HELLS: variants seen among roughly 807,000 people sequenced by gnomAD.
HELLS encodes helicase, lymphoid specific, also known as lymphoid-specific helicase.
In HELLS, 32 loss-of-function variants were observed where a neutral mutation model predicts 120.0. The observed-to-expected ratio is 0.27, with a 90% CI of 0.20 to 0.36. HELLS has a LOEUF of 0.36. Ranked by LOEUF, HELLS falls within the 10% of genes least tolerant of loss-of-function variation. HELLS has a pLI of 1.00. For missense variants in HELLS, 650 were observed against 993.4 expected (o/e 0.65, Z 4.65); for synonymous variants, 341 against 323.4 (o/e 1.05, Z -0.58).
downstream of HELLS, among the ~76,000 whole-genome samples, chr10:94,605,490 C>T (rs1432554538): frequency 6.6e-6 from 1 of 152,036 alleles, no homozygotes; most frequent in East Asian, 1.9e-4. Flanking sequence ...TTTGAGAACT[C>T]GCATATCTGG....
rs908391064 is a variant in HELLS at position 94,596,573 on chromosome 10, A to G, written c.2249-287A>G. Among the ~76,000 whole-genome samples the G allele has an allele frequency of 5.9e-5, 9 of 152,118 alleles. 1 individual carries two copies. Among genetic ancestry groups the G allele is most frequent in the Admixed American group, 2.0e-4 (3 of 15,292 alleles). On this transcript the variant is annotated intron_variant, in intron 19 of 21. Transcript: ENST00000348459. Reference sequence around the variant, plus strand: ...AAATTATTTCTAGATTCTGGTTATTATGAATAAGTTGGTCCTGTACAAGTC... The same window carrying G: ...AAATTATTTCTAGATTCTGGTTATTGTGAATAAGTTGGTCCTGTACAAGTC...
intron 17 of HELLS, among the ~76,000 whole-genome samples, chr10:94,593,149 A>G (rs1253525997): frequency 1.3e-5 from 2 of 152,196 alleles, no homozygotes; most frequent in Admixed American, 6.5e-5. Flanking sequence ...GAATGTTACC[A>G]TCAGCCCAGA....
At chr10:94,580,158 TATATACACACAC>T (rs1486015295) in intron 10 of HELLS, among the ~76,000 whole-genome samples, 4 of 75,120 alleles carry the variant, frequency 5.3e-5, no homozygotes, top group African/African-American at 6.4e-5. Context: ...TATATATATA[TATATACACACAC>T]ACACACACAC....
At chr10:94,600,493 A>G (rs963108702) in intron 21 of HELLS, among the ~76,000 whole-genome samples, 18 of 152,196 alleles carry the variant, frequency 1.2e-4, no homozygotes, top group South Asian at 4.1e-4. Flanking sequence ...TATATTGGCT[A>G]GAAGTACAAT....
chr10:94,598,294 C>T (rs1845841069), intron 21 of HELLS, among the ~76,000 whole-genome samples: 1 of 152,080 alleles, frequency 6.6e-6, no homozygotes, highest in African/African-American at 2.4e-5. Flanking sequence ...ACTAGAAACC[C>T]CAGTCTTTGT....
intron 1 of HELLS, 101 bp from the exon 2 acceptor site, chr10:94,546,276 G>T: frequency 7.1e-7 from 1 of 1,414,204 alleles, no homozygotes. Flanking sequence ...TTCAGCTTTT[G>T]CTCCAGTGCA....
At position 94,588,249 on chromosome 10, in the gene HELLS, G is replaced by T; in HGVS notation, c.1347G>T (p.Leu449Phe). The T allele has an allele frequency of 6.3e-7, 1 of 1,598,812 alleles. No individual in the cohort carries two copies. Among genetic ancestry groups the T allele is most frequent in the South Asian group, 1.1e-5 (1 of 88,648 alleles). The change falls in exon 13 of 22, where the codon TTG becomes TTT. Residue 449 changes from leucine to phenylalanine, a missense_variant. Physicochemically the swap from Leu to Phe is conservative, Grantham distance 22 (BLOSUM62 0). This residue lies in a region of HELLS where 48 missense variants were observed against 127.0 expected (regional missense o/e 0.38). Transcript: ENST00000348459. ...MLHQILTPFLLRRLKSDVALE... is the reference protein window; with the variant it reads ...MLHQILTPFLFRRLKSDVALE... Reference sequence around the variant, plus strand: ...TTTAGATTTTAACACCTTTCTTATTGAGAAGACTGAAGTCTGATGTTGCTC... The same window carrying T: ...TTTAGATTTTAACACCTTTCTTATTTAGAAGACTGAAGTCTGATGTTGCTC...
Position 94,585,367 on chromosome 10 carries a change from T to G in HELLS, c.1326+2308T>G, listed in dbSNP as rs542401847. Among the ~76,000 whole-genome samples the G allele has an allele frequency of 2.6e-4, 37 of 142,534 alleles. 1 individual carries two copies. In the East Asian group the frequency reaches 7.2e-3, roughly 28 times the overall value. 93.5% of individuals were successfully genotyped at this position (142,534 alleles called of 152,430 possible). The stretch of plus-strand genomic sequence containing the variant: ...ACTAATAGTTTTTTTGTTTTGTTTT[T>G]TTTTTTTGTTTGTTTTTGTTTTTTT... On this transcript the variant is annotated intron_variant, in intron 12 of 21. Transcript: ENST00000348459.
chr10:94,549,324 T>C (rs1204891052), intron 2 of HELLS, among the ~76,000 whole-genome samples: 2 of 152,218 alleles, frequency 1.3e-5, no homozygotes, highest in Non-Finnish European at 2.9e-5. Flanking sequence ...GAGGAAGAGC[T>C]AGCTTAAGTT....
intron 10 of HELLS, among the ~76,000 whole-genome samples, chr10:94,579,852 A>G (rs1397062770): frequency 6.6e-6 from 1 of 152,098 alleles, no homozygotes; most frequent in Non-Finnish European, 1.5e-5. Context: ...GTAGTATAAC[A>G]TGAAGACCCT....
chr10:94,553,700 C>T (rs1023540272), intron 2 of HELLS, among the ~76,000 whole-genome samples: 6 of 151,804 alleles, frequency 4.0e-5, no homozygotes, highest in Admixed American at 6.6e-5. Flanking sequence ...AGGCATGCAC[C>T]ACCACGCCTG....
At chr10:94,592,841 G>GA (rs1384426496) in intron 17 of HELLS, among the ~76,000 whole-genome samples, 65 of 137,504 alleles carry the variant, frequency 4.7e-4, no homozygotes, top group South Asian at 1.5e-3. Flanking sequence ...TGGCAAAGTT[G>GA]AAAAAAAAAA....
chr10:94,606,929 T>C (rs1010558598), downstream of HELLS, among the ~76,000 whole-genome samples: 5 of 152,210 alleles, frequency 3.3e-5, no homozygotes, highest in Non-Finnish European at 5.9e-5. Context: ...TGAGAGAGAA[T>C]ATGTACATAT....
chr10:94,591,215 A>G (rs2134109677), intron 15 of HELLS, among the ~76,000 whole-genome samples: 1 of 152,298 alleles, frequency 6.6e-6, no homozygotes. Flanking sequence ...TGTACTCTGC[A>G]TGTTTACTTG....
At chr10:94,572,091 T>C (rs547040123) in intron 7 of HELLS, among the ~76,000 whole-genome samples, 3 of 152,220 alleles carry the variant, frequency 2.0e-5, no homozygotes, top group Non-Finnish European at 4.4e-5. Flanking sequence ...CCAAAATTTA[T>C]ATTGTAAAAG....
chr10:94,601,703 C>CTA lies in HELLS; in HGVS notation c.*81_*82insTA. On this transcript the variant is annotated 3_prime_UTR_variant, in exon 22 of 22. Transcript: ENST00000348459. ...GTATTGGGTTTGAAATACTGATTGT[C>CTA]CACTTCACCTTTTTTATTATATCAG... The CTA allele has an allele frequency of 1.5e-6, 1 of 686,940 alleles. No homozygotes were observed. Among genetic ancestry groups the CTA allele is most frequent in the Non-Finnish European group, 2.5e-6 (1 of 399,048 alleles). The allele number at this position is 686,940 out of a possible 1,614,324, so 42.6% of individuals were successfully genotyped here.
At position 94,546,436 on chromosome 10, in the gene HELLS, C is replaced by T. The variant is rs776501461; in HGVS notation, c.91C>T (p.Leu31=). ...LDTAVITPAM[L]EEEEQLEAAG... is the part of the protein sequence containing the mutation. ...CACTGCTGTGATTACCCCGGCCATG[C>T]TAGAAGAGGAAGAACAGCTTGAAGC... Residue 31 remains leucine, a synonymous_variant, in exon 2 of 22, where the codon CTA becomes TTA. Coordinates refer to ENST00000348459, the MANE Select transcript of HELLS (RefSeq NM_018063.5). The T allele has an allele frequency of 2.0e-5, 32 of 1,614,098 alleles. 1 individual carries two copies. The Admixed American group carries it at 4.2e-4, about 21-fold the overall frequency.
intron 2 of HELLS, among the ~76,000 whole-genome samples, chr10:94,553,832 G>A (rs750275555): frequency 6.6e-6 from 1 of 152,152 alleles, no homozygotes; most frequent in Non-Finnish European, 1.5e-5. Flanking sequence ...ACAGGTGTGA[G>A]TCACCGCACC....
intron 21 of HELLS, among the ~76,000 whole-genome samples, chr10:94,599,377 A>G (rs994161568): frequency 6.6e-6 from 1 of 152,172 alleles, no homozygotes; most frequent in Non-Finnish European, 1.5e-5. Context: ...TATTTGAGAC[A>G]AAGTCTCGTT....
Sources: allele counts gnomAD v4.1 joint callset (sites outside exome capture counted in the v4.1 genomes callset), GRCh38; gene constraint gnomAD v4.1.1; regional missense constraint gnomAD v4.1.1; transcripts MANE v1.5; gene names NCBI Gene and HGNC (gene_info 2026-07-23, HGNC 2026-07-21).